ZC4H2: variants seen among roughly 807,000 people sequenced by gnomAD.
The protein encoded by ZC4H2 is zinc finger C4H2 domain-containing protein.
For missense variants in ZC4H2, 137 were observed against 173.9 expected, an observed-to-expected ratio of 0.79 and a Z score of 1.19; for synonymous variants, 84 against 66.3, an observed-to-expected ratio of 1.27 and a Z score of -1.30.
chrX:64,955,741 C>T (rs1397010062), intron 1 of ZC4H2, among the ~76,000 whole-genome samples: 1 of 112,062 alleles, frequency 8.9e-6, no homozygotes, highest in Non-Finnish European at 1.9e-5. Context: ...AAAAGAGGGT[C>T]TGTTGTGTGT....
intron 1 of ZC4H2, among the ~76,000 whole-genome samples, chrX:64,952,640 T>C (rs1329411910): frequency 1.8e-5 from 2 of 110,564 alleles, no homozygotes; most frequent in Non-Finnish European, 3.8e-5. Flanking sequence ...CAAGGAGAAC[T>C]ACAAACCACT....
intron 1 of ZC4H2, among the ~76,000 whole-genome samples, chrX:65,030,946 C>T (rs767606973): frequency 9.0e-6 from 1 of 111,226 alleles, no homozygotes; most frequent in Non-Finnish European, 1.9e-5. Flanking sequence ...TTGATGCCTC[C>T]ACTGTGCTCC....
At chrX:64,956,920 G>A (rs1460644629) in intron 1 of ZC4H2, among the ~76,000 whole-genome samples, 1 of 112,227 alleles carries the variant, frequency 8.9e-6, no homozygotes, top group Non-Finnish European at 1.9e-5. Flanking sequence ...TTACAATGGT[G>A]ATAGTGACAT....
At chrX:64,971,818 A>G (rs1023659742) in intron 1 of ZC4H2, among the ~76,000 whole-genome samples, 40 of 112,192 alleles carry the variant, frequency 3.6e-4, no homozygotes, top group African/African-American at 1.3e-3. Flanking sequence ...AAGAGTACCT[A>G]CTTAACTCAA....
chrX:64,950,610 C>T (rs1033351336), intron 1 of ZC4H2, among the ~76,000 whole-genome samples: 17 of 110,605 alleles, frequency 1.5e-4, no homozygotes, highest in Admixed American at 6.8e-4. Flanking sequence ...AAATGACCTT[C>T]TTTGTCTCTT....
intron 1 of ZC4H2, among the ~76,000 whole-genome samples, chrX:65,020,932 A>G (rs1050825230): frequency 2.8e-4 from 31 of 111,330 alleles, no homozygotes; most frequent in African/African-American, 1.0e-3. Context: ...GAGAAAAGAA[A>G]GGCATTACAT....
chrX:64,934,376 T>C (rs946027084), intron 1 of ZC4H2, among the ~76,000 whole-genome samples: 2 of 112,607 alleles, frequency 1.8e-5, no homozygotes, highest in Non-Finnish European at 3.7e-5. Context: ...AATTCTCTAA[T>C]ATATTGTGGG....
chrX:64,968,411 C>A (rs1202646364), intron 1 of ZC4H2, among the ~76,000 whole-genome samples: 1 of 111,154 alleles, frequency 9.0e-6, no homozygotes, highest in Non-Finnish European at 1.9e-5. Flanking sequence ...AGGGTGAATT[C>A]TTGTCCTGGC....
At position 64,917,065 on chromosome X, in the gene ZC4H2, A is replaced by G. The variant is rs1409096909; in HGVS notation, c.*718T>C. On this transcript the variant is annotated 3_prime_UTR_variant, in exon 5 of 5. Transcript: ENST00000374839. ...AGGAGATGTAGAGTTGGTCTGGCTC[A>G]CTGATTTCACTGTGGAAATCTTCTA... is the stretch of plus-strand genomic sequence containing the variant. 1 of 111,901 alleles carries G rather than the reference A, an allele frequency of 8.9e-6. No individual in the cohort carries two copies. Among genetic ancestry groups the G allele is most frequent in the Admixed American group, 9.5e-5 (1 of 10,508 alleles). The allele number at this position is 111,901 out of a possible 1,213,427, so 9.2% of individuals were successfully genotyped here.
In ZC4H2 at chrX:64,944,086, G is replaced by T. The variant is rs1020413037; in HGVS notation, c.54-22098C>A. Among the ~76,000 whole-genome samples, 3 of 108,276 alleles carry T rather than the reference G, an allele frequency of 2.8e-5. No homozygotes were observed. In the South Asian group the frequency reaches 1.2e-3, roughly 43 times the overall value. 94.0% of individuals were successfully genotyped at this position (108,276 alleles called of 115,157 possible). A position where few individuals can be genotyped will look rare whatever the true frequency, so the allele number is the denominator to read the frequency against. Reference sequence around the variant, plus strand: ...AAAGGATTTTCTTTCTCCTTTGCTTGTGAAGCTTATTTTAGCTGGATATGA... The same window carrying T: ...AAAGGATTTTCTTTCTCCTTTGCTTTTGAAGCTTATTTTAGCTGGATATGA... On this transcript the variant is annotated intron_variant, in intron 1 of 4. Transcript: ENST00000374839.
intron 1 of ZC4H2, among the ~76,000 whole-genome samples, chrX:64,925,602 C>T (rs1014508744): frequency 8.9e-6 from 1 of 111,848 alleles, no homozygotes; most frequent in Non-Finnish European, 1.9e-5. Flanking sequence ...GTGCAGCTAG[C>T]CCTGCTTGGA....
chrX:64,999,039 G>GTTTTT lies in ZC4H2; in HGVS notation c.-272+35585_-272+35589dup, dbSNP rs58094683. Among the ~76,000 whole-genome samples, 58 of 11,850 alleles carry GTTTTT rather than the reference G, an allele frequency of 4.9e-3. 4 individuals are homozygous for GTTTTT. The highest frequency in any genetic ancestry group is 8.2e-3 in the African/African-American group (29 of 3,532). 10.3% of individuals were successfully genotyped at this position (11,850 alleles called of 115,157 possible). A position where few individuals can be genotyped will look rare whatever the true frequency, so the allele number is the denominator to read the frequency against. On this transcript the variant is annotated intron_variant, in intron 1 of 4. Coordinates refer to the ZC4H2 transcript ENST00000337990. ...TAGACAGCATACAGTTGGATTATGT[G>GTTTTT]TTTTTTTTTTTTTTTTTTTTTTTTT... is the stretch of plus-strand genomic sequence containing the variant.
chrX:65,029,010 A>G (rs1932909007), intron 1 of ZC4H2, among the ~76,000 whole-genome samples: 1 of 111,203 alleles, frequency 9.0e-6, no homozygotes, highest in African/African-American at 3.3e-5. Flanking sequence ...CTAGTAATAT[A>G]TATTTTAAAG....
At chrX:64,999,863 A>G (rs1932500965) in intron 1 of ZC4H2, among the ~76,000 whole-genome samples, 1 of 112,198 alleles carries the variant, frequency 8.9e-6, no homozygotes, top group Non-Finnish European at 1.9e-5. Context: ...AGCTTGACAA[A>G]GCCTCCGTAG....
chrX:65,031,587 C>T (rs1222433975), intron 1 of ZC4H2, among the ~76,000 whole-genome samples: 4 of 111,854 alleles, frequency 3.6e-5, no homozygotes, highest in Non-Finnish European at 7.5e-5. Context: ...ATTTTCTCCT[C>T]CTTAGCTTCT....
At chrX:64,989,488 A>ATT (rs1420256967) in intron 1 of ZC4H2, among the ~76,000 whole-genome samples, 3 of 111,848 alleles carry the variant, frequency 2.7e-5, no homozygotes, top group Non-Finnish European at 3.8e-5. Context: ...GCAGTTGTGA[A>ATT]TGGGAGTTAA....
At chrX:64,917,999 A>C (rs1929011824) in intron 4 of ZC4H2, 103 bp from the exon 5 acceptor site, 2 of 952,349 alleles carry the variant, frequency 2.1e-6, no homozygotes. Flanking sequence ...GTGATTTCCC[A>C]TCAGAAGAGA....
chrX:65,003,618 C>T (rs1347415900), intron 1 of ZC4H2, among the ~76,000 whole-genome samples: 3 of 111,241 alleles, frequency 2.7e-5, no homozygotes, highest in East Asian at 2.8e-4. Context: ...TGGCTCATGC[C>T]TGTAATCCCA....
chrX:64,939,012 A>G (rs1248454741), intron 1 of ZC4H2, among the ~76,000 whole-genome samples: 2 of 112,217 alleles, frequency 1.8e-5, no homozygotes, highest in Non-Finnish European at 3.8e-5. Context: ...CTATTTGCAG[A>G]TGACATGATC....
Sources: gnomAD v4.1 joint callset for allele counts (sites outside exome capture counted in the v4.1 genomes callset) on GRCh38, gnomAD v4.1.1 for gene constraint, MANE v1.5 for transcripts, NCBI Gene and HGNC (gene_info 2026-07-23, HGNC 2026-07-21) for gene names.